DARS1: variants seen among roughly 807,000 people sequenced by gnomAD.
DARS1 encodes the protein aspartyl-tRNA synthetase 1.
In DARS1, 51 loss-of-function variants were observed where a neutral mutation model predicts 68.8. The observed-to-expected ratio is 0.74, with a 90% confidence interval of 0.59 to 0.94. The LOEUF (loss-of-function observed/expected upper bound fraction) is 0.94. Among genes scored for constraint, DARS1 ranks in the 40% least tolerant of loss-of-function variants. The pLI, the probability that DARS1 is intolerant of heterozygous loss-of-function variation, is 0.00. For synonymous variants in DARS1, 203 were observed against 190.4 expected (o/e 1.07, Z -0.55); for missense variants, 607 against 597.3 (o/e 1.02, Z -0.17).
chr2:135,937,037 T>C (rs1558785702), intron 5 of DARS1, among the ~76,000 whole-genome samples: 1 of 152,220 alleles, frequency 6.6e-6, no homozygotes, highest in Non-Finnish European at 1.5e-5. Context: ...GCACTGTAGG[T>C]TCAAACTGGC....
intron 4 of DARS1, among the ~76,000 whole-genome samples, chr2:135,960,526 A>T (rs1254404344): frequency 1.3e-5 from 2 of 152,196 alleles, no homozygotes; most frequent in African/African-American, 4.8e-5. Context: ...GCAAACATTT[A>T]AAAAAATCAA....
chr2:135,970,369 A>C (rs1358195754), intron 3 of DARS1, among the ~76,000 whole-genome samples: 1 of 152,034 alleles, frequency 6.6e-6, no homozygotes, highest in East Asian at 1.9e-4. Context: ...ATGGAAATTA[A>C]ACAATATGCT....
intron 3 of DARS1, among the ~76,000 whole-genome samples, chr2:135,970,252 CAAAAA>C (rs1217937806): frequency 2.0e-5 from 1 of 49,216 alleles, no homozygotes; most frequent in Non-Finnish European, 4.5e-5. Context: ...GACCCTGTCT[CAAAAA>C]AAAAAAAAAA....
intron 3 of DARS1, among the ~76,000 whole-genome samples, chr2:135,978,410 G>A (rs1188687684): frequency 6.6e-6 from 1 of 152,180 alleles, no homozygotes; most frequent in African/African-American, 2.4e-5. Flanking sequence ...CAATTACTAT[G>A]AGACTTTGGG....
chr2:135,964,639 G>A (rs971236217), intron 3 of DARS1, among the ~76,000 whole-genome samples: 1 of 152,032 alleles, frequency 6.6e-6, no homozygotes, highest in Non-Finnish European at 1.5e-5. Context: ...TCAGGAGTTC[G>A]AGACTAGGTT....
At chr2:135,919,413 A>G (rs1382939884) in intron 10 of DARS1, among the ~76,000 whole-genome samples, 2 of 152,236 alleles carry the variant, frequency 1.3e-5, no homozygotes, top group Non-Finnish European at 2.9e-5. Context: ...TAAAATACCA[A>G]TGAAACATAT....
At chr2:135,960,976 C>T (rs371720147) in intron 4 of DARS1, among the ~76,000 whole-genome samples, 2 of 152,158 alleles carry the variant, frequency 1.3e-5, no homozygotes, top group Non-Finnish European at 1.5e-5. Flanking sequence ...ATTTGCCAAA[C>T]TACATTCTTT....
intron 4 of DARS1, 78 bp from the exon 5 acceptor site, chr2:135,943,558 C>G (rs1681654726): frequency 1.9e-6 from 3 of 1,551,404 alleles, no homozygotes; most frequent in Non-Finnish European, 2.6e-6. Flanking sequence ...AGCAGTAAAG[C>G]TGAATATGTT....
rs192698620 is a variant in DARS1, at chr2:135,909,382, T to C, written c.1414+1757A>G. On this transcript the variant is annotated intron_variant, in intron 15 of 15. Transcript: ENST00000264161. ...TTTATTGAGTTATAATTGACAAAAA[T>C]TGTATGTATTTACAGTGTATGATGT... is the stretch of plus-strand genomic sequence containing the variant. 1.1e-4 allele frequency among the ~76,000 whole-genome samples: 17 copies of C among 152,332 alleles called. No individual in the cohort carries two copies. The East Asian group carries it at 2.3e-3, about 21-fold the overall frequency.
At chr2:135,975,244 C>T (rs1416794409) in intron 3 of DARS1, among the ~76,000 whole-genome samples, 4 of 151,964 alleles carry the variant, frequency 2.6e-5, no homozygotes, top group African/African-American at 7.3e-5. Context: ...ACTTGGGAGG[C>T]TGAGGCAGGA....
chr2:135,941,241 C>T (rs976875159), intron 5 of DARS1, among the ~76,000 whole-genome samples: 11 of 152,164 alleles, frequency 7.2e-5, no homozygotes, highest in South Asian at 2.1e-4. Flanking sequence ...GGAGGCACCA[C>T]GCTACCTGAC....
intron 5 of DARS1, 104 bp downstream of exon 5, chr2:135,943,274 C>G (rs534913020): frequency 5.7e-5 from 82 of 1,433,026 alleles, no homozygotes; most frequent in Non-Finnish European, 7.2e-5. Context: ...ATTTATAAAC[C>G]TCAGTATTTT....
chr2:135,914,355 T>C, intron 12 of DARS1, 114 bp downstream of exon 12: 1 of 702,670 alleles, frequency 1.4e-6, no homozygotes, highest in Non-Finnish European at 2.5e-6. Flanking sequence ...CTTCGGTTTT[T>C]ATTTATTCCA....
Position 135,983,437 on chromosome 2 carries a change from T to C in DARS1, c.84A>G (p.Arg28=), listed in dbSNP as rs1247728303. 2.5e-6 allele frequency: 3 copies of C among 1,207,372 alleles called. No homozygotes were observed. The highest frequency in any genetic ancestry group is 3.0e-5 in the African/African-American group (2 of 67,480). The allele number at this position is 1,207,372 out of a possible 1,614,324, so 74.8% of individuals were successfully genotyped here. ...ATTGTATCATTGAAGATATTCCATA[T>C]CTCTCTTTAGCATAATCCTACAAAA... is the stretch of plus-strand genomic sequence containing the variant. ...MDAAEDYAKE[R]YGISSMIQSQ... is the part of the protein sequence containing the mutation. The change falls in exon 2 of 16, where the codon AGA becomes AGG. Residue 28 remains arginine, a synonymous_variant. Transcript: ENST00000264161.
At chr2:135,950,573 T>C (rs967580454) in intron 4 of DARS1, among the ~76,000 whole-genome samples, 1 of 152,240 alleles carries the variant, frequency 6.6e-6, no homozygotes, top group Non-Finnish European at 1.5e-5. Context: ...GGTGATGTAC[T>C]GTTTTTAATA....
intron 4 of DARS1, among the ~76,000 whole-genome samples, chr2:135,952,602 T>C (rs1290983362): frequency 6.6e-6 from 1 of 152,130 alleles, no homozygotes; most frequent in African/African-American, 2.4e-5. Context: ...ATCTATGTGA[T>C]CAACATCTTT....
chr2:135,970,252 CAAAAAAAAA>C (rs1217937806), intron 3 of DARS1, among the ~76,000 whole-genome samples: 1 of 49,216 alleles, frequency 2.0e-5, no homozygotes, highest in Admixed American at 2.2e-4. Context: ...GACCCTGTCT[CAAAAAAAAA>C]AAAAAAAAAA....
intron 3 of DARS1, among the ~76,000 whole-genome samples, chr2:135,975,645 A>G (rs1432009233): frequency 6.6e-6 from 1 of 150,820 alleles, no homozygotes; most frequent in Non-Finnish European, 1.5e-5. Flanking sequence ...AAATACAAAA[A>G]TCAGCTGGGC....
At chr2:135,947,420 AAAAG>A (rs1014498653) in intron 4 of DARS1, among the ~76,000 whole-genome samples, 7 of 151,950 alleles carry the variant, frequency 4.6e-5, no homozygotes, top group Non-Finnish European at 5.9e-5. Context: ...AAAAAAAAAA[AAAAG>A]AAAGAAAGAA....
Sources: allele counts gnomAD v4.1 joint callset (sites outside exome capture counted in the v4.1 genomes callset), GRCh38; gene constraint gnomAD v4.1.1; transcripts MANE v1.5; gene names NCBI Gene and HGNC (gene_info 2026-07-23, HGNC 2026-07-21).